RAB38: variants seen among roughly 807,000 people sequenced by gnomAD.
RAB38 encodes the protein ras-related protein Rab-38.
Under a neutral mutation model 18.4 loss-of-function variants are expected in RAB38, and 15 were observed. The ratio of observed to expected loss-of-function variants is 0.82; its 90% CI spans 0.55 to 1.26. The LOEUF is 1.26. Ranked by LOEUF, RAB38 falls within the 50% of genes most tolerant of loss-of-function variation. The pLI is 0.00. For synonymous variants in RAB38, 101 were observed against 104.4 expected, an observed-to-expected ratio of 0.97 and a Z score of 0.20; for missense variants, 294 against 267.4, an observed-to-expected ratio of 1.10 and a Z score of -0.69.
chr11:87,805,642 CAT>C, the RAB38 span, among the ~76,000 whole-genome samples: 10 of 150,352 alleles, frequency 6.7e-5, no homozygotes, highest in South Asian at 2.1e-4. Context: ...CACACACACA[CAT>C]ATACACATTT....
the RAB38 span, among the ~76,000 whole-genome samples, chr11:87,883,567 T>A: frequency 2.0e-5 from 3 of 151,976 alleles, no homozygotes; most frequent in African/African-American, 7.2e-5. Context: ...CCTGTGAATA[T>A]GTTGCCTTAC....
the RAB38 span, among the ~76,000 whole-genome samples, chr11:88,092,339 A>AGG: frequency 2.8e-5 from 1 of 35,208 alleles, no homozygotes; most frequent in African/African-American, 1.7e-4. Context: ...AGAGAGAGAG[A>AGG]GAGAGAGGGA....
At chr11:87,805,644 T>C in the RAB38 span, among the ~76,000 whole-genome samples, 226 of 149,544 alleles carry the variant, frequency 1.5e-3, 1 homozygote, top group Middle Eastern at 0.017. Context: ...CACACACACA[T>C]ATACACATTT....
chr11:87,917,494 A>G, the RAB38 span, among the ~76,000 whole-genome samples: 2 of 147,372 alleles, frequency 1.4e-5, no homozygotes, highest in African/African-American at 2.5e-5. Flanking sequence ...CATACAGTAG[A>G]TCTATTGAAC....
chr11:88,106,139 C>A, the RAB38 span, among the ~76,000 whole-genome samples: 1 of 152,032 alleles, frequency 6.6e-6, no homozygotes, highest in East Asian at 1.9e-4. Flanking sequence ...AGAGCAGAGA[C>A]CCGTGACTTT....
chr11:87,977,716 A>C, the RAB38 span, among the ~76,000 whole-genome samples: 5 of 97,744 alleles, frequency 5.1e-5, no homozygotes, highest in African/African-American at 8.4e-5. Flanking sequence ...TTATATATTT[A>C]TATATTATAT....
chr11:87,860,475 G>A, the RAB38 span, among the ~76,000 whole-genome samples: 1 of 151,916 alleles, frequency 6.6e-6, no homozygotes, highest in Non-Finnish European at 1.5e-5. Flanking sequence ...TTTTAGAGAA[G>A]AGAGTGGACA....
chr11:88,099,386 C>G, the RAB38 span, among the ~76,000 whole-genome samples: 1 of 151,746 alleles, frequency 6.6e-6, no homozygotes, highest in Non-Finnish European at 1.5e-5. Context: ...TCACAGAATT[C>G]ATCACCTCTT....
the RAB38 span, among the ~76,000 whole-genome samples, chr11:87,880,931 G>C: frequency 6.6e-6 from 1 of 151,802 alleles, no homozygotes; most frequent in South Asian, 2.1e-4. Context: ...AAATAAATTT[G>C]TAATTAAGTA....
intron 1 of RAB38, among the ~76,000 whole-genome samples, chr11:88,174,372 TATTGTAAAAAACAAAAACA>T (rs1943350025): frequency 6.6e-6 from 1 of 152,114 alleles, no homozygotes; most frequent in African/African-American, 2.4e-5. Flanking sequence ...TGATTTTAAA[TATTGTAAAAAACAAAAACA>T]AACAACCTCT....
the RAB38 span, among the ~76,000 whole-genome samples, chr11:88,059,112 C>T: frequency 1.3e-5 from 2 of 152,142 alleles, no homozygotes; most frequent in South Asian, 2.1e-4. Flanking sequence ...TAAGCCTCAG[C>T]GTTCTTGTCT....
the RAB38 span, among the ~76,000 whole-genome samples, chr11:87,961,077 T>C: frequency 1.7e-4 from 26 of 152,164 alleles, no homozygotes; most frequent in Non-Finnish European, 2.9e-4. Context: ...ATGCTGTGCC[T>C]ATTAGAATAA....
intron 1 of RAB38, among the ~76,000 whole-genome samples, chr11:88,171,827 T>C (rs1230881501): frequency 2.6e-5 from 4 of 152,230 alleles, no homozygotes; most frequent in Non-Finnish European, 4.4e-5. Context: ...AAGTGGAGTC[T>C]CAAGTGTGAA....
At chr11:87,941,214 G>T in the RAB38 span, among the ~76,000 whole-genome samples, 11,340 of 61,842 alleles carry the variant, frequency 0.18, 1,460 homozygotes, top group East Asian at 0.45. Flanking sequence ...AAATATATGA[G>T]ATATATATAT....
chr11:88,168,845 A>C (rs948386926), intron 1 of RAB38, among the ~76,000 whole-genome samples: 1 of 152,124 alleles, frequency 6.6e-6, no homozygotes, highest in African/African-American at 2.4e-5. Context: ...GGACTTCACA[A>C]ACCCATTCCT....
the RAB38 span, among the ~76,000 whole-genome samples, chr11:88,095,202 T>G: frequency 1.3e-5 from 2 of 151,906 alleles, no homozygotes; most frequent in African/African-American, 4.8e-5. Context: ...CAGAACAAAA[T>G]GAAAGCTCTG....
chr11:88,122,159 CA>C (rs1456006487), intron 2 of RAB38, among the ~76,000 whole-genome samples: 2 of 152,144 alleles, frequency 1.3e-5, no homozygotes, highest in African/African-American at 4.8e-5. Flanking sequence ...GAGGCAGACA[CA>C]GCTCTTGAGT....
At chr11:88,092,654 C>T in the RAB38 span, among the ~76,000 whole-genome samples, 1 of 151,420 alleles carries the variant, frequency 6.6e-6, no homozygotes, top group Non-Finnish European at 1.5e-5. Flanking sequence ...TGAACCATGT[C>T]AAAGAATATG....
chr11:87,918,950 C>T, the RAB38 span, among the ~76,000 whole-genome samples: 3 of 151,626 alleles, frequency 2.0e-5, no homozygotes, highest in Non-Finnish European at 4.4e-5. Flanking sequence ...AACATCATTG[C>T]CCAAAAACAT....
Sources: gnomAD v4.1 joint callset for allele counts (sites outside exome capture counted in the v4.1 genomes callset) on GRCh38, gnomAD v4.1.1 for gene constraint, MANE v1.5 for transcripts, NCBI Gene and HGNC (gene_info 2026-07-23, HGNC 2026-07-21) for gene names.